Variants in DIS3L2 observed in about 807,000 individuals in gnomAD.
DIS3L2 encodes the protein DIS3-like exonuclease 2.
DIS3L2 carries 34 observed loss-of-function variants against 97.5 expected under a neutral mutation model. That is an observed-to-expected ratio of 0.35 (90% CI 0.27 to 0.46). The LOEUF (loss-of-function observed/expected upper bound fraction) is 0.46, where lower values mean the gene tolerates loss of function less well. DIS3L2 is among the 20% of genes least tolerant of loss of function. The pLI is 1.00. For missense variants in DIS3L2, 1,038 were observed against 1,146.0 expected (o/e 0.91, Z 1.36); for synonymous variants, 435 against 445.2 (o/e 0.98, Z 0.29).
chr2:232,308,039 C>G (rs1168552224), intron 14 of DIS3L2, among the ~76,000 whole-genome samples: 1 of 152,234 alleles, frequency 6.6e-6, no homozygotes, highest in Non-Finnish European at 1.5e-5. Flanking sequence ...CTGGGAAATC[C>G]TGGGATTTCC....
intron 14 of DIS3L2, among the ~76,000 whole-genome samples, chr2:232,302,053 T>C (rs1219400197): frequency 6.6e-6 from 1 of 151,966 alleles, no homozygotes; most frequent in Non-Finnish European, 1.5e-5. Flanking sequence ...TAACTTAGGG[T>C]TTATAAATAT....
At chr2:232,001,301 A>G (rs1018218030) in intron 1 of DIS3L2, among the ~76,000 whole-genome samples, 8 of 152,126 alleles carry the variant, frequency 5.3e-5, no homozygotes, top group Non-Finnish European at 1.2e-4. Context: ...TCCCCTAATG[A>G]TTAGTGATAT....
At chr2:232,026,401 G>A (rs1694657291) in intron 4 of DIS3L2, among the ~76,000 whole-genome samples, 1 of 152,066 alleles carries the variant, frequency 6.6e-6, no homozygotes, top group Admixed American at 6.6e-5. Flanking sequence ...CCTTCTCAGT[G>A]CTAGCTCCCT....
At chr2:232,343,656 C>T (rs1696164043) in exon 14 of DIS3L2, 1 of 1,431,768 alleles carries the variant, frequency 7.0e-7, no homozygotes, top group South Asian at 1.3e-5. Context: ...AAAGGCCAGA[C>T]TTCTAAAAGG....
chr2:232,270,628 C>T (rs542833162), intron 13 of DIS3L2, among the ~76,000 whole-genome samples: 2 of 152,272 alleles, frequency 1.3e-5, no homozygotes, highest in South Asian at 4.2e-4. Flanking sequence ...AATCTTTGAC[C>T]TGATCTCTGA....
intron 14 of DIS3L2, among the ~76,000 whole-genome samples, chr2:232,305,537 G>T (rs146200054): frequency 6.6e-6 from 1 of 152,272 alleles, no homozygotes; most frequent in East Asian, 1.9e-4. Context: ...TTATTTTACA[G>T]CCTCTTTCCA....
At chr2:232,041,378 C>T (rs1695108367) in intron 5 of DIS3L2, among the ~76,000 whole-genome samples, 1 of 152,102 alleles carries the variant, frequency 6.6e-6, no homozygotes, top group Admixed American at 6.6e-5. Flanking sequence ...GGAAGGGGGT[C>T]CTACTGGGGC....
intron 5 of DIS3L2, among the ~76,000 whole-genome samples, chr2:232,076,322 C>T (rs771616537): frequency 2.0e-5 from 3 of 152,170 alleles, no homozygotes; most frequent in African/African-American, 4.8e-5. Flanking sequence ...GCCAGGGCTC[C>T]GGAGTCCAGT....
Position 232,281,118 on chromosome 2 carries a change from C to T in DIS3L2, c.1659+17678C>T, listed in dbSNP as rs375882396. Among the ~76,000 whole-genome samples the T allele has an allele frequency of 1.1e-4, 16 of 152,176 alleles. No individual in the cohort carries two copies. The highest frequency in any genetic ancestry group is 2.2e-4 in the Non-Finnish European group (15 of 67,986). ...CTCTGCCTTGAAATATGAGTGTTTT[C>T]GGCTGGGCACGGTGGCTCACACCTA... is the stretch of plus-strand genomic sequence containing the variant. On this transcript the variant is annotated intron_variant, in intron 13 of 20. Transcript: ENST00000325385. The surrounding 1 kb of genome is among the most constrained non-coding windows in gnomAD (Gnocchi z 4.1).
intron 10 of DIS3L2, among the ~76,000 whole-genome samples, chr2:232,233,954 G>A (rs1692866182): frequency 6.6e-6 from 1 of 152,194 alleles, no homozygotes; most frequent in South Asian, 2.1e-4. Flanking sequence ...GGACAGGAGT[G>A]AACATGGCTG....
intron 14 of DIS3L2, among the ~76,000 whole-genome samples, chr2:232,310,222 G>A (rs755182440): frequency 9.9e-5 from 15 of 152,178 alleles, no homozygotes; most frequent in Non-Finnish European, 1.5e-4. Flanking sequence ...TAGGAGAAAG[G>A]GGGGCTTGAA....
At chr2:232,157,543 C>T (rs567970380) in intron 8 of DIS3L2, among the ~76,000 whole-genome samples, 8 of 152,262 alleles carry the variant, frequency 5.3e-5, no homozygotes, top group South Asian at 2.1e-4. Flanking sequence ...AAAGATATTT[C>T]GTAAATCTGA....
At chr2:232,088,497 G>C (rs1696736380) in intron 6 of DIS3L2, among the ~76,000 whole-genome samples, 1 of 151,416 alleles carries the variant, frequency 6.6e-6, no homozygotes, top group Non-Finnish European at 1.5e-5. Context: ...GGGTGGTGGA[G>C]CTTGCGGTGA....
At chr2:232,200,550 G>T (rs1347522447) in intron 9 of DIS3L2, among the ~76,000 whole-genome samples, 1 of 151,974 alleles carries the variant, frequency 6.6e-6, no homozygotes, top group East Asian at 1.9e-4. Flanking sequence ...AAGAATAGTA[G>T]TGGTAGTCGT....
intron 1 of DIS3L2, among the ~76,000 whole-genome samples, chr2:231,977,258 T>A (rs1337098254): frequency 6.6e-6 from 1 of 152,200 alleles, no homozygotes; most frequent in African/African-American, 2.4e-5. Context: ...CTGTACAATC[T>A]TATATATAAT....
chr2:232,287,573 G>A (rs923799723), intron 13 of DIS3L2, among the ~76,000 whole-genome samples: 1 of 151,738 alleles, frequency 6.6e-6, no homozygotes, highest in African/African-American at 2.4e-5. Context: ...TAAATGTTTT[G>A]TAGAGACGGA....
intron 13 of DIS3L2, among the ~76,000 whole-genome samples, chr2:232,270,858 TCGTCTCTCTCTC>T (rs1004685070): frequency 2.4e-5 from 3 of 125,220 alleles, no homozygotes; most frequent in Non-Finnish European, 3.3e-5. Context: ...TCTCTTTTTC[TCGTCTCTCTCTC>T]TCTCTCTCTC....
At chr2:232,051,969 C>G (rs992570204) in intron 5 of DIS3L2, among the ~76,000 whole-genome samples, 1 of 151,602 alleles carries the variant, frequency 6.6e-6, no homozygotes, top group Admixed American at 6.6e-5. Flanking sequence ...TAAATGTCTT[C>G]TATAATGTTT....
In DIS3L2 at chr2:232,131,869, G is replaced by A. The variant is rs545026680; in HGVS notation, c.702+1150G>A. 4 of 151,016 alleles carry A rather than the reference G, an allele frequency of 2.6e-5. No homozygotes were observed. The South Asian group carries it at 6.3e-4, about 24-fold the overall frequency. 9.4% of individuals were successfully genotyped at this position (151,016 alleles called of 1,614,324 possible). A position where few individuals can be genotyped will look rare whatever the true frequency, so the allele number is the denominator to read the frequency against. ...AGATTAGAATGAATGGAAAGCCTGG[G>A]GATGGATCTGGCTCACAGACCTATT... is the stretch of plus-strand genomic sequence containing the variant. On this transcript the variant is annotated intron_variant, in intron 7 of 20. Transcript: ENST00000325385.
Sources: allele counts gnomAD v4.1 joint callset (sites outside exome capture counted in the v4.1 genomes callset), GRCh38; gene constraint gnomAD v4.1.1; non-coding constraint Gnocchi (gnomAD v3.1); transcripts MANE v1.5; gene names NCBI Gene and HGNC (gene_info 2026-07-23, HGNC 2026-07-21).